RNLS: variants seen among roughly 807,000 people sequenced by gnomAD.
RNLS encodes the protein renalase.
A neutral mutation model predicts 39.8 loss-of-function variants in RNLS; 39 were observed. That is an observed-to-expected ratio of 0.98 (90% CI 0.76 to 1.28). The LOEUF (loss-of-function observed/expected upper bound fraction) is 1.28, where lower values mean the gene tolerates loss of function less well. Ranked by LOEUF, RNLS falls within the 50% of genes most tolerant of loss-of-function variation. RNLS has a pLI of 0.00. For missense variants in RNLS, 410 were observed against 413.3 expected (o/e 0.99, Z 0.07); for synonymous variants, 147 against 150.7 (o/e 0.98, Z 0.18).
chr10:88,294,583 T>C (rs1238193571), intron 6 of RNLS, among the ~76,000 whole-genome samples: 2 of 152,126 alleles, frequency 1.3e-5, no homozygotes, highest in Non-Finnish European at 2.9e-5. Context: ...TTGACGAAAA[T>C]CCAACAAAAT....
the RNLS span, among the ~76,000 whole-genome samples, chr10:88,227,966 A>T: frequency 6.6e-6 from 1 of 152,082 alleles, no homozygotes; most frequent in African/African-American, 2.4e-5. Flanking sequence ...TTCCCTCTCC[A>T]ACTAAAACTG....
intron 4 of RNLS, among the ~76,000 whole-genome samples, chr10:88,374,652 A>G (rs557922924): frequency 6.6e-5 from 10 of 151,362 alleles, no homozygotes; most frequent in Non-Finnish European, 1.2e-4. Flanking sequence ...CAAAGATCAA[A>G]CTTTTCTCCC....
At chr10:88,222,384 T>C in the RNLS span, among the ~76,000 whole-genome samples, 1 of 152,300 alleles carries the variant, frequency 6.6e-6, no homozygotes, top group Non-Finnish European at 1.5e-5. Context: ...TATAAACTCC[T>C]TGGAGTCTGG....
the RNLS span, among the ~76,000 whole-genome samples, chr10:88,181,008 A>G: frequency 3.3e-5 from 5 of 152,212 alleles, no homozygotes; most frequent in Admixed American, 6.5e-5. Flanking sequence ...CCCAAAGATC[A>G]ACATGCCCTA....
chr10:88,285,463 T>A lies in RNLS; in HGVS notation c.920A>T (p.His307Leu), dbSNP rs745889673. Residue 307 changes from histidine to leucine, a missense_variant, in exon 7 of 7, where the codon CAT (histidine) becomes CTT (leucine). Transcript: ENST00000331772. ...TCCACATGCAAGGAAAGGTTTGTGA[T>A]GCAGAGTCATTTGGCCAGGACAGTT... ...AANCPGQMTLHHKPFLACGGD... is the reference protein window; with the variant it reads ...AANCPGQMTLLHKPFLACGGD... 5 of 1,613,148 alleles carry A rather than the reference T, an allele frequency of 3.1e-6. No individual in the cohort carries two copies. The East Asian group carries it at 8.9e-5, about 29-fold the overall frequency.
At chr10:88,199,773 T>A in the RNLS span, among the ~76,000 whole-genome samples, 1 of 152,098 alleles carries the variant, frequency 6.6e-6, no homozygotes, top group Admixed American at 6.5e-5. Context: ...CAAGACGAAG[T>A]CATTCCCCCA....
At chr10:88,372,460 A>G (rs1320484532) in intron 4 of RNLS, among the ~76,000 whole-genome samples, 1 of 152,030 alleles carries the variant, frequency 6.6e-6, no homozygotes, top group African/African-American at 2.4e-5. Context: ...CTTTCTCCCA[A>G]TCATATGAAG....
intron 4 of RNLS, among the ~76,000 whole-genome samples, chr10:88,413,980 T>C (rs1853858194): frequency 6.6e-6 from 1 of 152,186 alleles, no homozygotes; most frequent in South Asian, 2.1e-4. Flanking sequence ...CAAAATTAAA[T>C]ACATGGGAAA....
chr10:88,174,485 T>A, the RNLS span, among the ~76,000 whole-genome samples: 1 of 152,350 alleles, frequency 6.6e-6, no homozygotes, highest in East Asian at 1.9e-4. Context: ...TTGAATTTTA[T>A]CACAGGCTTT....
intron 4 of RNLS, among the ~76,000 whole-genome samples, chr10:88,413,899 G>T (rs1156852215): frequency 1.3e-5 from 2 of 152,022 alleles, no homozygotes; most frequent in Non-Finnish European, 2.9e-5. Context: ...CTGAGAACCT[G>T]GACCTTATTT....
chr10:88,576,180 T>C (rs1167043760), intron 3 of RNLS, among the ~76,000 whole-genome samples: 1 of 152,214 alleles, frequency 6.6e-6, no homozygotes, highest in South Asian at 2.1e-4. Flanking sequence ...CTTCTTAACA[T>C]TTATCATGCA....
chr10:88,530,240 A>G (rs1847338741), intron 4 of RNLS, among the ~76,000 whole-genome samples: 1 of 152,152 alleles, frequency 6.6e-6, no homozygotes, highest in Non-Finnish European at 1.5e-5. Context: ...ATGGGTAGAT[A>G]CTCATACAGC....
intron 6 of RNLS, among the ~76,000 whole-genome samples, chr10:88,299,398 G>A (rs1207096645): frequency 2.6e-5 from 4 of 152,138 alleles, no homozygotes; most frequent in East Asian, 1.9e-4. Flanking sequence ...TGAGACAGGC[G>A]GATCACTTGA....
At chr10:88,423,974 A>T (rs1854558892) in intron 4 of RNLS, among the ~76,000 whole-genome samples, 3 of 152,184 alleles carry the variant, frequency 2.0e-5, no homozygotes, top group African/African-American at 7.2e-5. Context: ...ACCTAGGGAC[A>T]AGTGTCCCTC....
chr10:88,437,170 A>G (rs1841456359), intron 4 of RNLS, among the ~76,000 whole-genome samples: 1 of 152,220 alleles, frequency 6.6e-6, no homozygotes, highest in Non-Finnish European at 1.5e-5. Context: ...CTTGATGGGA[A>G]AGTGATAGAC....
intron 4 of RNLS, among the ~76,000 whole-genome samples, chr10:88,569,843 AT>A (rs1238696906): frequency 2.0e-5 from 3 of 152,244 alleles, no homozygotes; most frequent in South Asian, 2.1e-4. Context: ...AGCTAAAAAA[AT>A]AAAAAATAAA....
intron 4 of RNLS, among the ~76,000 whole-genome samples, chr10:88,568,519 T>C (rs1401036250): frequency 8.6e-5 from 13 of 151,938 alleles, no homozygotes. Context: ...GTGTGTGTCG[T>C]TGTTGTTTTG....
the RNLS span, among the ~76,000 whole-genome samples, chr10:88,240,791 T>C: frequency 6.6e-6 from 1 of 152,116 alleles, no homozygotes; most frequent in Non-Finnish European, 1.5e-5. Flanking sequence ...TCTACTCTCT[T>C]TCCTCTTCTA....
intron 4 of RNLS, among the ~76,000 whole-genome samples, chr10:88,430,534 A>C (rs1300349617): frequency 6.6e-6 from 1 of 151,840 alleles, no homozygotes; most frequent in African/African-American, 2.4e-5. Flanking sequence ...TGTTGAACAA[A>C]AGTAGTAACA....
Sources: allele counts gnomAD v4.1 joint callset (sites outside exome capture counted in the v4.1 genomes callset), GRCh38; gene constraint gnomAD v4.1.1; transcripts MANE v1.5; gene names NCBI Gene and HGNC (gene_info 2026-07-23, HGNC 2026-07-21).